The following SLC20A2 variants were observed in gnomAD, a reference collection of about 807,000 sequenced individuals.
SLC20A2 encodes the protein solute carrier family 20 member 2.
Under a neutral mutation model 61.0 loss-of-function variants are expected in SLC20A2, and 30 were observed. That is an observed-to-expected ratio of 0.49 (90% CI 0.37 to 0.67). SLC20A2 has a LOEUF of 0.67. Among genes scored for constraint, SLC20A2 ranks in the 30% least tolerant of loss-of-function variants. The probability of loss-of-function intolerance (pLI) is 0.00; values close to 1 mark genes in which losing one functional copy is unlikely to be tolerated. For missense variants in SLC20A2, 626 were observed against 866.4 expected (o/e 0.72, Z 3.48); for synonymous variants, 351 against 353.3 (o/e 0.99, Z 0.07).
At chr8:42,490,974 G>A (rs1208830221) in intron 1 of SLC20A2, among the ~76,000 whole-genome samples, 1 of 152,016 alleles carries the variant, frequency 6.6e-6, no homozygotes, top group African/African-American at 2.4e-5. Context: ...TTTGCTTTTA[G>A]TCTTCAGAGT....
intron 3 of SLC20A2, among the ~76,000 whole-genome samples, chr8:42,464,032 C>G (rs1806916149): frequency 1.4e-5 from 2 of 145,652 alleles, no homozygotes; most frequent in Non-Finnish European, 3.0e-5. Context: ...GCCAGGCAGG[C>G]TTACAAGGTA....
At chr8:42,463,773 G>T (rs1011211453) in intron 3 of SLC20A2, among the ~76,000 whole-genome samples, 1 of 152,068 alleles carries the variant, frequency 6.6e-6, no homozygotes, top group African/African-American at 2.4e-5. Context: ...ATGGAAGGTG[G>T]GTTTCCTTGT....
At chr8:42,461,155 A>T in intron 4 of SLC20A2, among the ~76,000 whole-genome samples, 1 of 152,166 alleles carries the variant, frequency 6.6e-6, no homozygotes, top group East Asian at 1.9e-4. Flanking sequence ...CAAGTGTGGG[A>T]GTGTCACACC....
Position 42,472,740 on chromosome 8 carries a change from G to A in SLC20A2, c.-264-86C>T, listed in dbSNP as rs963502939. ...TTTCAGAAATAAATGTTTTAAGCCT[G>A]CTAATGGGATCTAACTTTGGCATGT... On this transcript the variant is annotated intron_variant, in intron 1 of 10. Transcript: ENST00000520262. The surrounding 1 kb of genome is among the most constrained non-coding windows in gnomAD (Gnocchi z 4.1). 4 of 200,432 alleles carry A rather than the reference G, an allele frequency of 2.0e-5. No homozygotes were observed. The highest frequency in any genetic ancestry group is 2.0e-4 in the South Asian group (2 of 9,986). 12.4% of individuals were successfully genotyped at this position (200,432 alleles called of 1,614,324 possible).
intron 8 of SLC20A2, among the ~76,000 whole-genome samples, chr8:42,436,776 T>C (rs1804296914): frequency 6.6e-6 from 1 of 152,240 alleles, no homozygotes; most frequent in Admixed American, 6.5e-5. Context: ...TGGCGGCTCC[T>C]GCCCTGTGTC....
At chr8:42,537,847 G>A (rs760903074) in intron 1 of SLC20A2, 1 of 152,186 alleles carries the variant, frequency 6.6e-6, no homozygotes, top group Non-Finnish European at 1.5e-5. Flanking sequence ...TGCAAAAGTA[G>A]TGCTTAGATG....
In SLC20A2 at chr8:42,523,566, T is replaced by A. The variant is rs112609020; in HGVS notation, c.-265+18255A>T. Among the ~76,000 whole-genome samples the A allele has an allele frequency of 5.9e-3, 901 of 152,302 alleles. 3 individuals carry two copies. The highest frequency in any genetic ancestry group is 0.01 in the East Asian group (54 of 5,182). ...TTTAAAACATCAAGAGTATTAATCA[T>A]CCTTTTAAGTCATCAACAGTCAAGT... On this transcript the variant is annotated intron_variant, in intron 1 of 10. Transcript: ENST00000342228.
At chr8:42,422,071 G>C (rs1483172228) in intron 10 of SLC20A2, among the ~76,000 whole-genome samples, 1 of 152,058 alleles carries the variant, frequency 6.6e-6, no homozygotes, top group Non-Finnish European at 1.5e-5. Flanking sequence ...GTTTTGTTTT[G>C]AGATAGAGTC....
intron 1 of SLC20A2, among the ~76,000 whole-genome samples, chr8:42,506,329 A>G (rs1173519640): frequency 6.6e-6 from 1 of 152,200 alleles, no homozygotes; most frequent in Non-Finnish European, 1.5e-5. Flanking sequence ...TCTGACCTCG[A>G]GCAATTGAGC....
intron 1 of SLC20A2, among the ~76,000 whole-genome samples, chr8:42,507,774 A>G (rs545445310): frequency 6.6e-6 from 1 of 152,370 alleles, no homozygotes; most frequent in African/African-American, 2.4e-5. Context: ...CCATAAACTT[A>G]TCATATAAGG....
At position 42,482,520 on chromosome 8, in the gene SLC20A2, G is replaced by A. The variant is rs185576642; in HGVS notation, c.-264-9866C>T. On this transcript the variant is annotated intron_variant, in intron 1 of 10. Coordinates refer to ENST00000520262, the MANE Select transcript of SLC20A2 (RefSeq NM_001257180.2). The stretch of plus-strand genomic sequence containing the variant: ...TTCATCCCTGCAATCCCGTCAAGGT[G>A]GGCGGATCACTTGAGCCCAGGAGTT... Among the ~76,000 whole-genome samples, 16 of 152,242 alleles carry A rather than the reference G, an allele frequency of 1.1e-4. No individual in the cohort carries two copies. The South Asian group carries it at 1.2e-3, about 12-fold the overall frequency.
intron 1 of SLC20A2, among the ~76,000 whole-genome samples, chr8:42,474,486 A>G (rs1383171771): frequency 1.3e-5 from 2 of 152,072 alleles, no homozygotes; most frequent in Non-Finnish European, 2.9e-5. Context: ...TGAAAAGACC[A>G]CTCTAAGGGC....
chr8:42,457,882 C>A (rs1279883174), intron 5 of SLC20A2, among the ~76,000 whole-genome samples: 1 of 152,060 alleles, frequency 6.6e-6, no homozygotes, highest in East Asian at 1.9e-4. Flanking sequence ...ACTTTATTCC[C>A]AGTACTGAAA....
chr8:42,439,141 C>T (rs964012915), intron 7 of SLC20A2, among the ~76,000 whole-genome samples: 1 of 152,232 alleles, frequency 6.6e-6, no homozygotes, highest in Non-Finnish European at 1.5e-5. Flanking sequence ...AATTCGATAA[C>T]TCCTGGGGCA....
intron 1 of SLC20A2, among the ~76,000 whole-genome samples, chr8:42,529,634 C>T (rs983999409): frequency 2.0e-5 from 3 of 152,216 alleles, no homozygotes; most frequent in African/African-American, 7.2e-5. Flanking sequence ...GCTCATCCTA[C>T]ATCTCAGCAA....
chr8:42,541,693 C>G (rs1813189788), intron 1 of SLC20A2: 1 of 149,490 alleles, frequency 6.7e-6, no homozygotes, highest in Non-Finnish European at 1.5e-5. Context: ...GTGCCGCCTC[C>G]GGAGCCGGCA....
At chr8:42,488,935 G>GTTTTTTTTTTTTTTTTTTTTTTTTTTTT (rs34643152) in intron 1 of SLC20A2, among the ~76,000 whole-genome samples, 3 of 83,528 alleles carry the variant, frequency 3.6e-5, no homozygotes, top group Non-Finnish European at 6.7e-5. Flanking sequence ...TAGGAGTTTT[G>GTTTTTTTTTTTTTTTTTTTTTTTTTTTT]TTTTTTTTTT....
intron 1 of SLC20A2, among the ~76,000 whole-genome samples, chr8:42,477,031 G>A (rs974694333): frequency 6.6e-6 from 1 of 152,204 alleles, no homozygotes; most frequent in African/African-American, 2.4e-5. Context: ...TGTGGTGACT[G>A]TTACCATTCT....
rs770780628 is a variant in SLC20A2 at position 42,444,746 on chromosome 8, G to A, written c.630C>T (p.Leu210=). 6.2e-7 allele frequency: 1 copy of A among 1,613,858 alleles called. No homozygotes were observed. Among genetic ancestry groups the A allele is most frequent in the Non-Finnish European group, 8.5e-7 (1 of 1,179,812 alleles). Residue 210 remains leucine (L), a synonymous_variant, in exon 6 of 11, where the codon CTC becomes CTT. Transcript: ENST00000520262. ...AAATGAGGGCTATGGCCCACATGGG[G>A]AGAACAAGGCCGAGCACTGGGAAGG... The part of the protein sequence containing the change: ...YTGAPVLGLV[L]PMWAIALISF...
Sources: allele counts gnomAD v4.1 joint callset (sites outside exome capture counted in the v4.1 genomes callset), GRCh38; gene constraint gnomAD v4.1.1; non-coding constraint Gnocchi (gnomAD v3.1); transcripts MANE v1.5; gene names NCBI Gene and HGNC (gene_info 2026-07-23, HGNC 2026-07-21).